The following BLTP3A variants were observed in gnomAD, a reference collection of about 807,000 sequenced individuals.
BLTP3A encodes the protein bridge-like lipid transfer protein family member 3A.
At chr6:34,877,222 C>A in the BLTP3A span, 1 of 152,762 alleles carries the variant, frequency 6.5e-6, no homozygotes, top group Non-Finnish European at 1.5e-5. Flanking sequence ...AAGACATGCT[C>A]AGGAAAGCTT....
the BLTP3A span, among the ~76,000 whole-genome samples, chr6:34,847,327 A>C: frequency 6.6e-6 from 1 of 152,078 alleles, no homozygotes; most frequent in Non-Finnish European, 1.5e-5. Flanking sequence ...GCTTCATAGA[A>C]TGATTCTGGA....
chr6:34,796,962 C>T, the BLTP3A span, among the ~76,000 whole-genome samples: 2 of 152,226 alleles, frequency 1.3e-5, no homozygotes. Context: ...CTTGGCCTCC[C>T]AAAGTGCTGG....
the BLTP3A span, among the ~76,000 whole-genome samples, chr6:34,820,554 T>G: frequency 3.9e-5 from 6 of 151,982 alleles, no homozygotes; most frequent in Non-Finnish European, 8.8e-5. Flanking sequence ...ATAGCACTTA[T>G]GTCTTGTGGC....
chr6:34,869,808 C>T, the BLTP3A span, among the ~76,000 whole-genome samples: 41 of 151,872 alleles, frequency 2.7e-4, no homozygotes, highest in African/African-American at 9.2e-4. Context: ...CCTGCCACCA[C>T]GCCTGACTAA....
At chr6:34,839,765 C>T in the BLTP3A span, among the ~76,000 whole-genome samples, 4 of 152,214 alleles carry the variant, frequency 2.6e-5, no homozygotes, top group Non-Finnish European at 4.4e-5. Context: ...TAAAGCTGCG[C>T]GGGTGGCTCT....
the BLTP3A span, among the ~76,000 whole-genome samples, chr6:34,832,809 C>T: frequency 7.9e-5 from 12 of 152,100 alleles, no homozygotes; most frequent in African/African-American, 2.9e-4. Flanking sequence ...TACTTGGTCC[C>T]ACTTTTATCA....
the BLTP3A span, chr6:34,856,386 A>G: frequency 6.2e-7 from 1 of 1,613,772 alleles, no homozygotes; most frequent in Admixed American, 1.7e-5. Context: ...CTTGGAGTAG[A>G]CTCTCTCTTT....
the BLTP3A span, among the ~76,000 whole-genome samples, chr6:34,831,846 C>T: frequency 6.6e-6 from 1 of 152,122 alleles, no homozygotes; most frequent in Non-Finnish European, 1.5e-5. Flanking sequence ...GACGGAGCCT[C>T]GCTCTGTCAC....
At chr6:34,871,765 T>C in the BLTP3A span, 3 of 1,611,582 alleles carry the variant, frequency 1.9e-6, no homozygotes, top group Non-Finnish European at 2.5e-6. Context: ...ACCTAGGAAC[T>C]GTTTGGGAGT....
chr6:34,795,564 A>AT, the BLTP3A span, among the ~76,000 whole-genome samples: 10,801 of 122,402 alleles, frequency 0.088, 587 homozygotes, highest in East Asian at 0.34. Flanking sequence ...CACCCGGCTG[A>AT]TTTTTTTTTT....
chr6:34,818,572 A>T, the BLTP3A span, among the ~76,000 whole-genome samples: 1 of 152,216 alleles, frequency 6.6e-6, no homozygotes, highest in Non-Finnish European at 1.5e-5. Flanking sequence ...TTTGTTACAA[A>T]ATATTTGCTG....
At chr6:34,869,069 G>A in the BLTP3A span, among the ~76,000 whole-genome samples, 47 of 151,556 alleles carry the variant, frequency 3.1e-4, no homozygotes, top group East Asian at 7.8e-3. Context: ...GCAGTGGCAC[G>A]AATTCGACGT....
At chr6:34,874,788 A>C in the BLTP3A span, 2 of 152,230 alleles carry the variant, frequency 1.3e-5, no homozygotes, top group African/African-American at 4.8e-5. Context: ...GATAACAGAG[A>C]ACAGCACTTT....
the BLTP3A span, among the ~76,000 whole-genome samples, chr6:34,824,311 T>G: frequency 6.6e-6 from 1 of 152,058 alleles, no homozygotes; most frequent in African/African-American, 2.4e-5. Flanking sequence ...GGTGGGCAGA[T>G]TACCTGAGGT....
chr6:34,810,614 G>A, the BLTP3A span, among the ~76,000 whole-genome samples: 42 of 152,266 alleles, frequency 2.8e-4, no homozygotes, highest in African/African-American at 8.7e-4. Context: ...GACCACAGGC[G>A]TGTGCCACCA....
the BLTP3A span, among the ~76,000 whole-genome samples, chr6:34,801,677 A>T: frequency 1.3e-5 from 2 of 152,204 alleles, no homozygotes; most frequent in Non-Finnish European, 2.9e-5. Context: ...TTTACATAAA[A>T]GCACAAAATA....
chr6:34,848,371 T>C, the BLTP3A span, among the ~76,000 whole-genome samples: 11 of 151,970 alleles, frequency 7.2e-5, no homozygotes, highest in African/African-American at 2.7e-4. Context: ...TTTGGGAGGC[T>C]GAGTGGGACA....
the BLTP3A span, among the ~76,000 whole-genome samples, chr6:34,808,551 A>T: frequency 1.4e-3 from 218 of 151,714 alleles, no homozygotes; most frequent in Non-Finnish European, 2.1e-3. Flanking sequence ...GATCGTACAG[A>T]TGTTAAAAAG....
At chr6:34,814,746 G>A in the BLTP3A span, among the ~76,000 whole-genome samples, 1 of 152,156 alleles carries the variant, frequency 6.6e-6, no homozygotes, top group African/African-American at 2.4e-5. Context: ...TATTAATCTG[G>A]TTGAGTTGGT....
Sources: gnomAD v4.1 joint callset for allele counts (sites outside exome capture counted in the v4.1 genomes callset) on GRCh38, gnomAD v4.1.1 for gene constraint, MANE v1.5 for transcripts, NCBI Gene and HGNC (gene_info 2026-07-23, HGNC 2026-07-21) for gene names.